CNTN3: variants seen among roughly 807,000 people sequenced by gnomAD.
CNTN3 encodes contactin 3.
Under a neutral mutation model 119.1 loss-of-function variants are expected in CNTN3, and 60 were observed. That is an observed-to-expected ratio of 0.50 (90% CI 0.41 to 0.62). The LOEUF is 0.62. Ranked by LOEUF, CNTN3 falls within the 20% of genes least tolerant of loss-of-function variation. The pLI is 0.00. For missense variants in CNTN3, 1,101 were observed against 1,242.4 expected (o/e 0.89, Z 1.71); for synonymous variants, 450 against 438.7 (o/e 1.03, Z -0.32).
intron 2 of CNTN3, among the ~76,000 whole-genome samples, chr3:74,503,525 A>C (rs1048653478): frequency 6.6e-6 from 1 of 152,178 alleles, no homozygotes; most frequent in Admixed American, 6.6e-5. Flanking sequence ...GCTGGGTTTC[A>C]TGTTCTAGTC....
chr3:74,503,355 C>A (rs1703198994), intron 2 of CNTN3, among the ~76,000 whole-genome samples: 5 of 152,124 alleles, frequency 3.3e-5, no homozygotes, highest in Admixed American at 2.6e-4. Flanking sequence ...CTCCTAAAGG[C>A]TTTCAGGCCA....
At chr3:74,565,962 T>G (rs546842962) in intron 1 of CNTN3, among the ~76,000 whole-genome samples, 1 of 152,180 alleles carries the variant, frequency 6.6e-6, no homozygotes, top group African/African-American at 2.4e-5. Context: ...TCTCATGAGA[T>G]CTCATGGTTT....
chr3:74,424,755 G>A (rs1701669127), intron 5 of CNTN3, 90 bp downstream of exon 5: 1 of 1,050,522 alleles, frequency 9.5e-7, no homozygotes, highest in Non-Finnish European at 1.5e-6. Context: ...GTTTCTCAGA[G>A]TAATTTACAG....
intron 3 of CNTN3, among the ~76,000 whole-genome samples, chr3:74,493,329 A>C (rs1365933187): frequency 6.6e-6 from 1 of 152,124 alleles, no homozygotes; most frequent in Admixed American, 6.6e-5. Flanking sequence ...ACCGACTTTA[A>C]GTAGTTTAAA....
chr3:74,402,319 G>A (rs984154900), intron 5 of CNTN3, among the ~76,000 whole-genome samples: 2 of 152,020 alleles, frequency 1.3e-5, no homozygotes, highest in Admixed American at 6.6e-5. Context: ...GGGATTTAAC[G>A]ATGGGCCATT....
chr3:74,291,591 G>A (rs1333484114), intron 19 of CNTN3, among the ~76,000 whole-genome samples: 2 of 152,118 alleles, frequency 1.3e-5, no homozygotes, highest in Non-Finnish European at 2.9e-5. Flanking sequence ...GTGTTAGCCA[G>A]GATGGTCTCG....
chr3:74,309,422 C>T (rs896833262), intron 13 of CNTN3, among the ~76,000 whole-genome samples: 3 of 152,074 alleles, frequency 2.0e-5, no homozygotes, highest in Non-Finnish European at 4.4e-5. Flanking sequence ...CTCTCTCATT[C>T]TATATTATAT....
intron 1 of CNTN3, among the ~76,000 whole-genome samples, chr3:74,521,827 A>G (rs1703547829): frequency 6.6e-6 from 1 of 151,852 alleles, no homozygotes; most frequent in Admixed American, 6.6e-5. Context: ...GGAAATAAGT[A>G]TGTGAAAGTC....
chr3:74,558,316 A>G (rs1249232437), intron 1 of CNTN3, among the ~76,000 whole-genome samples: 1 of 152,164 alleles, frequency 6.6e-6, no homozygotes, highest in Non-Finnish European at 1.5e-5. Flanking sequence ...GACACTCTCA[A>G]ACAAACTTCG....
intron 1 of CNTN3, among the ~76,000 whole-genome samples, chr3:74,584,093 AG>A (rs1704556725): frequency 6.6e-6 from 1 of 152,214 alleles, no homozygotes; most frequent in Non-Finnish European, 1.5e-5. Context: ...ATCACAGCAA[AG>A]CTAATATTAA....
intron 4 of CNTN3, among the ~76,000 whole-genome samples, chr3:74,436,904 G>A: frequency 6.6e-6 from 1 of 152,108 alleles, no homozygotes; most frequent in East Asian, 1.9e-4. Flanking sequence ...ATAATAAAGT[G>A]AACTCCTACT....
intron 13 of CNTN3, among the ~76,000 whole-genome samples, chr3:74,318,542 C>T (rs1293257286): frequency 6.6e-6 from 1 of 152,066 alleles, no homozygotes; most frequent in Non-Finnish European, 1.5e-5. Context: ...TGTTAGTTTT[C>T]CTTCTAACGG....
intron 5 of CNTN3, among the ~76,000 whole-genome samples, chr3:74,382,822 A>G (rs1704654485): frequency 6.6e-6 from 1 of 152,212 alleles, no homozygotes; most frequent in African/African-American, 2.4e-5. Context: ...CAGTGCTGCA[A>G]TGAAAATGGG....
At chr3:74,441,166 G>C (rs559823464) in intron 4 of CNTN3, among the ~76,000 whole-genome samples, 1 of 152,008 alleles carries the variant, frequency 6.6e-6, no homozygotes, top group African/African-American at 2.4e-5. Flanking sequence ...CATGACATAG[G>C]CCTTTAAAAA....
rs934368808 is a variant in CNTN3, at chr3:74,381,063, TTCTCTCTC to T, written c.455-9672_455-9665del. Among the ~76,000 whole-genome samples the T allele has an allele frequency of 5.5e-5, 8 of 146,586 alleles. No individual in the cohort carries two copies. In the South Asian group the frequency reaches 6.5e-4, roughly 12 times the overall value. ...AAAGCTGGAGAAATTGTTTTTTTTT[TTCTCTCTC>T]TCTCTCTCTCTCTCTCACACACACA... On this transcript the variant is annotated intron_variant, in intron 5 of 22. Transcript: ENST00000263665.
intron 19 of CNTN3, among the ~76,000 whole-genome samples, chr3:74,290,666 G>C (rs1702210365): frequency 6.6e-6 from 1 of 152,106 alleles, no homozygotes; most frequent in South Asian, 2.1e-4. Context: ...TCTCTCATCT[G>C]AGGACTGCCA....
intron 19 of CNTN3, among the ~76,000 whole-genome samples, chr3:74,292,355 G>A (rs1024581233): frequency 5.9e-5 from 9 of 152,078 alleles, no homozygotes; most frequent in African/African-American, 1.9e-4. Flanking sequence ...ACCTGAGGTT[G>A]AGAGTTAGAG....
rs1224111109 is a variant in CNTN3 at position 74,452,649 on chromosome 3, G to A, written c.359-27709C>T. Among the ~76,000 whole-genome samples, 5 of 105,884 alleles carry A rather than the reference G, an allele frequency of 4.7e-5. No homozygotes were observed. In the South Asian group the frequency reaches 1.4e-3, roughly 29 times the overall value. 69.5% of individuals were successfully genotyped at this position (105,884 alleles called of 152,430 possible). The stretch of plus-strand genomic sequence containing the variant: ...CCCATTCAGTATGATATTGGCTGTG[G>A]GTTTGTCACAGATAGCTCTCATTAT... On this transcript the variant is annotated intron_variant, in intron 4 of 22. Coordinates refer to ENST00000263665, the MANE Select transcript of CNTN3 (RefSeq NM_020872.3).
intron 4 of CNTN3, among the ~76,000 whole-genome samples, chr3:74,437,693 G>A (rs553659377): frequency 6.6e-6 from 1 of 151,196 alleles, no homozygotes; most frequent in African/African-American, 2.4e-5. Context: ...GTTTATATAT[G>A]TGTGTGTGTG....
Sources: allele counts gnomAD v4.1 joint callset (sites outside exome capture counted in the v4.1 genomes callset), GRCh38; gene constraint gnomAD v4.1.1; transcripts MANE v1.5; gene names NCBI Gene and HGNC (gene_info 2026-07-23, HGNC 2026-07-21).